Variants in WDR7 observed in about 807,000 individuals in gnomAD.
WDR7 encodes the protein WD repeat domain 7.
In WDR7, 46 loss-of-function variants were observed where a neutral mutation model predicts 169.4. That is an observed-to-expected ratio of 0.27 (90% CI 0.21 to 0.35). WDR7 has a LOEUF of 0.35. WDR7 is among the 10% of genes least tolerant of loss of function. The pLI is 1.00. For missense variants in WDR7, 1,534 were observed against 1,859.3 expected, an observed-to-expected ratio of 0.83 and a Z score of 3.22; for synonymous variants, 612 against 666.8, an observed-to-expected ratio of 0.92 and a Z score of 1.27.
chr18:56,727,634 A>G lies in WDR7; in HGVS notation c.1775-3749A>G, dbSNP rs183475285. On this transcript the variant is annotated intron_variant, in intron 13 of 27. Coordinates refer to ENST00000254442, the MANE Select transcript of WDR7 (RefSeq NM_015285.3). ...TAGAGGAAACTGTCTCCATGATTCA[A>G]TTATCTCCACCTCGTCCCACGCTTG... is the stretch of plus-strand genomic sequence containing the variant. Among the ~76,000 whole-genome samples the G allele has an allele frequency of 1.4e-4, 22 of 152,256 alleles. No homozygotes were observed. The East Asian group carries it at 3.9e-3, about 27-fold the overall frequency.
intron 13 of WDR7, among the ~76,000 whole-genome samples, chr18:56,728,551 C>G (rs1444204265): frequency 6.6e-6 from 1 of 152,164 alleles, no homozygotes; most frequent in Non-Finnish European, 1.5e-5. Flanking sequence ...GCATAGTCAT[C>G]CTTTCTCCCC....
intron 2 of WDR7, among the ~76,000 whole-genome samples, chr18:56,676,304 C>T (rs2025242984): frequency 6.6e-6 from 1 of 151,964 alleles, no homozygotes; most frequent in African/African-American, 2.4e-5. Flanking sequence ...ATCATTGGGT[C>T]TTGTTTTTTC....
intron 25 of WDR7, among the ~76,000 whole-genome samples, chr18:56,956,284 G>A (rs2047249316): frequency 2.0e-5 from 3 of 152,000 alleles, no homozygotes; most frequent in South Asian, 2.1e-4. Flanking sequence ...AACACAGCTC[G>A]CCCTGAGCTG....
intron 22 of WDR7, among the ~76,000 whole-genome samples, chr18:56,926,069 A>G (rs1394034993): frequency 1.3e-5 from 2 of 152,184 alleles, no homozygotes; most frequent in African/African-American, 4.8e-5. Flanking sequence ...AGGTCCTTGT[A>G]TTCAGCAGAT....
At chr18:56,670,607 T>C (rs1045760631) in intron 1 of WDR7, among the ~76,000 whole-genome samples, 1 of 152,048 alleles carries the variant, frequency 6.6e-6, no homozygotes, top group Non-Finnish European at 1.5e-5. Flanking sequence ...GCCTCCCGGG[T>C]TCAAGTGATT....
chr18:56,950,348 C>T (rs534683607), intron 25 of WDR7, among the ~76,000 whole-genome samples: 3 of 152,186 alleles, frequency 2.0e-5, no homozygotes, highest in Non-Finnish European at 4.4e-5. Context: ...TAAACTAGTA[C>T]GTGTCAGTGC....
intron 11 of WDR7, 41 bp from the exon 12 acceptor site, chr18:56,696,201 C>T (rs1407702055): frequency 1.3e-6 from 2 of 1,517,748 alleles, no homozygotes; most frequent in South Asian, 2.4e-5. Context: ...ACTTGGTAAA[C>T]CTTTAATTTT....
At chr18:56,729,546 A>G (rs1426814382) in intron 13 of WDR7, among the ~76,000 whole-genome samples, 2 of 151,968 alleles carry the variant, frequency 1.3e-5, no homozygotes, top group East Asian at 3.9e-4. Flanking sequence ...TTCTATGTTA[A>G]TATATATAGC....
Position 56,717,989 on chromosome 18 carries a change from C to T in WDR7, c.1604C>T (p.Ser535Phe). 6.2e-7 allele frequency: 1 copy of T among 1,613,948 alleles called. No individual in the cohort carries two copies. Among genetic ancestry groups the T allele is most frequent in the East Asian group, 2.2e-5 (1 of 44,862 alleles). The change falls in exon 13 of 28, where the codon TCT becomes TTT. Residue 535 changes from serine (S) to phenylalanine (F), a missense_variant. Transcript: ENST00000254442. ...CSARVQHCIC[S>F]VASDHSVGLL... Reference sequence around the variant, plus strand: ...GCAAGAGTACAGCACTGCATCTGCTCTGTAGCCAGTGACCACTCAGTAGGA... The same window carrying T: ...GCAAGAGTACAGCACTGCATCTGCTTTGTAGCCAGTGACCACTCAGTAGGA...
chr18:56,927,386 C>T (rs1297989879), intron 22 of WDR7, among the ~76,000 whole-genome samples: 5 of 151,946 alleles, frequency 3.3e-5, no homozygotes, highest in Non-Finnish European at 5.9e-5. Context: ...GTGAGAGGAT[C>T]GCTTGAGCCC....
intron 19 of WDR7, among the ~76,000 whole-genome samples, chr18:56,812,875 A>G (rs2044896208): frequency 6.6e-6 from 1 of 152,040 alleles, no homozygotes. Context: ...CCAGTCTCCC[A>G]GGAAACACCG....
At position 56,718,042 on chromosome 18, in the gene WDR7, A is replaced by G. The variant is rs1171004427; in HGVS notation, c.1657A>G (p.Ile553Val). Reference protein sequence around the residue: ...GLLSLREKKCIMLASRHLFPI... With the variant: ...GLLSLREKKCVMLASRHLFPI... Reference sequence around the variant, plus strand: ...TCTAAGTTTGCGAGAGAAAAAATGCATAATGTTGGCATCTCGTCACCTTTT... The same window carrying G: ...TCTAAGTTTGCGAGAGAAAAAATGCGTAATGTTGGCATCTCGTCACCTTTT... The change falls in exon 13 of 28, where the codon ATA becomes GTA. Residue 553 changes from isoleucine to valine, a missense_variant. By Grantham distance (29) the Ile-to-Val change is conservative. Coordinates refer to ENST00000254442, the MANE Select transcript of WDR7 (RefSeq NM_015285.3). The G allele has an allele frequency of 3.7e-6, 6 of 1,614,064 alleles. No homozygotes were observed. Among genetic ancestry groups the G allele is most frequent in the African/African-American group, 2.7e-5 (2 of 74,938 alleles).
At chr18:56,823,616 A>G (rs2045141681) in intron 20 of WDR7, among the ~76,000 whole-genome samples, 1 of 152,066 alleles carries the variant, frequency 6.6e-6, no homozygotes. Flanking sequence ...AAAAGGAGCT[A>G]TGTTTCTTCC....
chr18:56,722,849 C>T (rs1274243487), intron 13 of WDR7, among the ~76,000 whole-genome samples: 1 of 152,048 alleles, frequency 6.6e-6, no homozygotes, highest in Non-Finnish European at 1.5e-5. Context: ...TAATTTATGG[C>T]CATATTTTTC....
chr18:56,846,966 A>G (rs1379565503), intron 20 of WDR7, among the ~76,000 whole-genome samples: 1 of 152,212 alleles, frequency 6.6e-6, no homozygotes, highest in Non-Finnish European at 1.5e-5. Flanking sequence ...ATTGCTTTAA[A>G]TATACCTGAA....
In WDR7 at chr18:56,892,523, A is replaced by AT. The variant is rs201256546; in HGVS notation, c.3526+12367dup. Among the ~76,000 whole-genome samples the AT allele has an allele frequency of 4.4e-4, 66 of 149,380 alleles. No homozygotes were observed. In the East Asian group the frequency reaches 5.3e-3, roughly 12 times the overall value. On this transcript the variant is annotated intron_variant, in intron 21 of 27. Coordinates refer to ENST00000254442, the MANE Select transcript of WDR7 (RefSeq NM_015285.3). ...GTATGTCAAACGTGGCCCCATTCCC[A>AT]TTTTTTTTTGCAAATAAAGTTTTAT... is the stretch of plus-strand genomic sequence containing the variant.
At chr18:56,748,966 C>CT (rs1220398152) in intron 14 of WDR7, among the ~76,000 whole-genome samples, 1 of 151,786 alleles carries the variant, frequency 6.6e-6, no homozygotes, top group African/African-American at 2.4e-5. Flanking sequence ...TCCTTCCTTC[C>CT]TTTTTTCTAG....
At chr18:56,997,399 C>A (rs2047913481) in intron 26 of WDR7, among the ~76,000 whole-genome samples, 1 of 152,134 alleles carries the variant, frequency 6.6e-6, no homozygotes, top group African/African-American at 2.4e-5. Context: ...TACTATTTGA[C>A]TTGTAAGGTT....
intron 26 of WDR7, among the ~76,000 whole-genome samples, chr18:57,013,318 G>T (rs755605415): frequency 6.6e-6 from 1 of 152,188 alleles, no homozygotes; most frequent in Non-Finnish European, 1.5e-5. Flanking sequence ...GCCATGGACC[G>T]GTACCAGTCC....
Sources: allele counts gnomAD v4.1 joint callset (sites outside exome capture counted in the v4.1 genomes callset), GRCh38; gene constraint gnomAD v4.1.1; transcripts MANE v1.5; gene names NCBI Gene and HGNC (gene_info 2026-07-23, HGNC 2026-07-21).